The following SLAMF1 variants were observed in gnomAD, a reference collection of about 807,000 sequenced individuals.
The protein encoded by SLAMF1 is signaling lymphocytic activation molecule.
Under a neutral mutation model 35.1 loss-of-function variants are expected in SLAMF1, and 18 were observed. That is an observed-to-expected ratio of 0.51 (90% CI 0.35 to 0.76). SLAMF1 has a LOEUF of 0.76. Among genes scored for constraint, SLAMF1 ranks in the 30% least tolerant of loss-of-function variants. The probability of loss-of-function intolerance (pLI) is 0.01; values close to 1 mark genes in which losing one functional copy is unlikely to be tolerated. For synonymous variants in SLAMF1, 168 were observed against 157.2 expected (o/e 1.07, Z -0.51); for missense variants, 392 against 413.0 (o/e 0.95, Z 0.44).
At chr1:160,633,302 G>A (rs1660259318) in intron 3 of SLAMF1, among the ~76,000 whole-genome samples, 1 of 152,146 alleles carries the variant, frequency 6.6e-6, no homozygotes, top group African/African-American at 2.4e-5. Context: ...AGAGGACGGG[G>A]GACTCTGGCT....
intron 5 of SLAMF1, among the ~76,000 whole-genome samples, chr1:160,613,305 T>C (rs1659100351): frequency 6.6e-6 from 1 of 152,220 alleles, no homozygotes; most frequent in Admixed American, 6.5e-5. Flanking sequence ...TTTAAAACAT[T>C]CTGATATATT....
chr1:160,628,281 T>C (rs1311934910), intron 3 of SLAMF1, among the ~76,000 whole-genome samples: 5 of 152,192 alleles, frequency 3.3e-5, no homozygotes, highest in Admixed American at 1.3e-4. Context: ...GCAAATTCCA[T>C]TGTGAACCAG....
chr1:160,611,186 G>T (rs866964236), intron 6 of SLAMF1, among the ~76,000 whole-genome samples: 3 of 152,088 alleles, frequency 2.0e-5, no homozygotes, highest in Non-Finnish European at 2.9e-5. Flanking sequence ...AAAGTCTAGT[G>T]GGACTCAAAG....
At chr1:160,640,782 G>C (rs1571013401) in intron 1 of SLAMF1, among the ~76,000 whole-genome samples, 1 of 152,146 alleles carries the variant, frequency 6.6e-6, no homozygotes, top group Admixed American at 6.5e-5. Context: ...CTTAATTGTT[G>C]AGGAAAAGTG....
Position 160,637,288 on chromosome 1 carries a change from C to T in SLAMF1, c.318G>A (p.Gly106=), listed in dbSNP as rs141959102. ...YKFYLENLTL[G]IRESRKEDEG... The stretch of plus-strand genomic sequence containing the variant: ...CATCCTCCTTCCTGCTTTCCCGTAT[C>T]CCCAGGGTGAGATTCTCCAGATAAA... Residue 106 remains glycine, a synonymous_variant, in exon 2 of 7, where the codon GGG becomes GGA. Transcript: ENST00000302035. 76 of 1,613,980 alleles carry T rather than the reference C, an allele frequency of 4.7e-5. No homozygotes were observed. In the East Asian group the frequency reaches 1.7e-3, roughly 35 times the overall value.
At chr1:160,640,878 A>C (rs924445513) in intron 1 of SLAMF1, among the ~76,000 whole-genome samples, 2 of 152,180 alleles carry the variant, frequency 1.3e-5, no homozygotes, top group African/African-American at 4.8e-5. Flanking sequence ...GCTTGATGAC[A>C]TGAGGAACAT....
At position 160,619,151 on chromosome 1, in the gene SLAMF1, TAC is replaced by T. The variant is rs536187156; in HGVS notation, c.864+623_864+624del. On this transcript the variant is annotated intron_variant, in intron 5 of 6. Coordinates refer to ENST00000302035, the MANE Select transcript of SLAMF1 (RefSeq NM_003037.5). ...AAGAATTGCCTTCATGTTGAAAAACTACAGTGTCTCTACATCTAACCACGATC... is the reference window on the plus strand; with the variant it reads ...AAGAATTGCCTTCATGTTGAAAAACTAGTGTCTCTACATCTAACCACGATC... Among the ~76,000 whole-genome samples, 237 of 152,312 alleles carry T rather than the reference TAC, an allele frequency of 1.6e-3. 1 individual carries two copies. Among genetic ancestry groups the T allele is most frequent in the Non-Finnish European group, 2.3e-3 (155 of 68,032 alleles).
rs950324579 is a variant in SLAMF1 at position 160,610,639 on chromosome 1, C to A, written c.*109G>T. The A allele has an allele frequency of 1.8e-5, 14 of 770,578 alleles. No individual in the cohort carries two copies. Among genetic ancestry groups the A allele is most frequent in the Non-Finnish European group, 2.8e-5 (12 of 425,772 alleles). The allele number at this position is 770,578 out of a possible 1,614,324, so 47.7% of individuals were successfully genotyped here. ...CCAGGGAGTTGATCTGAGAAGGGTA[C>A]AGACGTGCAGCATGTCTGCCAGAGG... On this transcript the variant is annotated 3_prime_UTR_variant, in exon 7 of 7. Coordinates refer to ENST00000302035, the MANE Select transcript of SLAMF1 (RefSeq NM_003037.5).
At chr1:160,614,575 C>CA (rs58447871) in intron 5 of SLAMF1, among the ~76,000 whole-genome samples, 16,374 of 140,468 alleles carry the variant, frequency 0.12, 1,201 homozygotes, top group Non-Finnish European at 0.16. Flanking sequence ...TCCGCATCAC[C>CA]AAAAAAAAAA....
At chr1:160,637,567 G>C (rs185054542) in intron 1 of SLAMF1, 38 bp from the exon 2 acceptor site, 3 of 1,442,190 alleles carry the variant, frequency 2.1e-6, no homozygotes, top group Middle Eastern at 1.8e-4. Context: ...TTATTATTAA[G>C]GCCTTTAGAC....
At chr1:160,625,509 C>T (rs914500586) in intron 3 of SLAMF1, among the ~76,000 whole-genome samples, 1 of 152,178 alleles carries the variant, frequency 6.6e-6, no homozygotes, top group Non-Finnish European at 1.5e-5. Context: ...TGATAGCTGG[C>T]AAGAAGTTGC....
intron 1 of SLAMF1, among the ~76,000 whole-genome samples, chr1:160,638,620 T>C (rs1443054030): frequency 6.6e-6 from 1 of 152,190 alleles, no homozygotes; most frequent in African/African-American, 2.4e-5. Flanking sequence ...TAATGTGTGT[T>C]TATAGTTTCT....
chr1:160,645,035 G>C (rs1424484511), intron 1 of SLAMF1, among the ~76,000 whole-genome samples: 1 of 152,192 alleles, frequency 6.6e-6, no homozygotes, highest in Non-Finnish European at 1.5e-5. Context: ...TGTTCTTTCT[G>C]CCCAACTTTG....
chr1:160,639,377 C>T (rs1660623762), intron 1 of SLAMF1, among the ~76,000 whole-genome samples: 1 of 152,160 alleles, frequency 6.6e-6, no homozygotes, highest in East Asian at 1.9e-4. Flanking sequence ...AGGTGCCTGC[C>T]ACCATGCACT....
At position 160,608,288 on chromosome 1, in the gene SLAMF1, C is replaced by T. The variant is rs1165815550; in HGVS notation, c.*2460G>A. ...CCTGGGACTGTGCCCAGTTGTACTT[C>T]AGAACATCAGTCCCTTCAAACCGAG... On this transcript the variant is annotated 3_prime_UTR_variant, in exon 7 of 7. Transcript: ENST00000302035. 1 of 152,254 alleles carries T rather than the reference C, an allele frequency of 6.6e-6. No homozygotes were observed. The highest frequency in any genetic ancestry group is 1.5e-5 in the Non-Finnish European group (1 of 68,066). The allele number at this position is 152,254 out of a possible 1,614,324, so 9.4% of individuals were successfully genotyped here.
At chr1:160,623,675 A>T in intron 4 of SLAMF1, 1 of 400,152 alleles carries the variant, frequency 2.5e-6, no homozygotes, top group Non-Finnish European at 4.4e-6. Flanking sequence ...CTTCAACTGC[A>T]GGGGAATAAT....
intron 1 of SLAMF1, among the ~76,000 whole-genome samples, 155 bp downstream of exon 1, chr1:160,646,715 C>T (rs1457523405): frequency 6.6e-6 from 1 of 152,198 alleles, no homozygotes; most frequent in African/African-American, 2.4e-5. Context: ...AATGTTCCTT[C>T]CTCTTTGAAA....
At chr1:160,632,312 C>T (rs994892687) in intron 3 of SLAMF1, among the ~76,000 whole-genome samples, 4 of 152,036 alleles carry the variant, frequency 2.6e-5, no homozygotes, top group Non-Finnish European at 5.9e-5. Context: ...AAACAGAGAC[C>T]CAAGAGAGGG....
Position 160,642,709 on chromosome 1 carries a change from C to G in SLAMF1, c.76+4161G>C, listed in dbSNP as rs1190556927. On this transcript the variant is annotated intron_variant, in intron 1 of 6. Coordinates refer to ENST00000302035, the MANE Select transcript of SLAMF1 (RefSeq NM_003037.5). The surrounding 1 kb of genome is among the most constrained non-coding windows in gnomAD (Gnocchi z 4.2). Reference sequence around the variant, plus strand: ...GTACTCTGATTTGCCTTTATAGTATCCCTAAGAGGTATATTATGGAAGAAA... The same window carrying G: ...GTACTCTGATTTGCCTTTATAGTATGCCTAAGAGGTATATTATGGAAGAAA... 6.6e-6 allele frequency among the ~76,000 whole-genome samples: 1 copy of G among 152,154 alleles called. No homozygotes were observed. The highest frequency in any genetic ancestry group is 1.9e-4 in the East Asian group (1 of 5,190).
Sources: allele counts gnomAD v4.1 joint callset (sites outside exome capture counted in the v4.1 genomes callset), GRCh38; gene constraint gnomAD v4.1.1; non-coding constraint Gnocchi (gnomAD v3.1); transcripts MANE v1.5; gene names NCBI Gene and HGNC (gene_info 2026-07-23, HGNC 2026-07-21).